The following ZDHHC13 variants were observed in gnomAD, a reference collection of about 807,000 sequenced individuals.
ZDHHC13 encodes the protein zDHHC palmitoyltransferase 13.
A neutral mutation model predicts 86.0 loss-of-function variants in ZDHHC13; 85 were observed. The observed-to-expected ratio is 0.99, with a 90% CI of 0.83 to 1.18. The LOEUF is 1.18. Among genes scored for constraint, ZDHHC13 ranks in the 50% most tolerant of loss-of-function variants. ZDHHC13 has a pLI of 0.00. For synonymous variants in ZDHHC13, 263 were observed against 246.4 expected, an observed-to-expected ratio of 1.07 and a Z score of -0.63; for missense variants, 711 against 730.2, an observed-to-expected ratio of 0.97 and a Z score of 0.30.
At chr11:19,165,192 T>C in intron 13 of ZDHHC13, 47 bp downstream of exon 13, 1 of 1,554,874 alleles carries the variant, frequency 6.4e-7, no homozygotes, top group Non-Finnish European at 8.7e-7. Context: ...TAAGCATATG[T>C]TTAGTTATGA....
At chr11:19,160,938 T>A (rs988701722) in intron 10 of ZDHHC13, among the ~76,000 whole-genome samples, 8 of 152,010 alleles carry the variant, frequency 5.3e-5, no homozygotes, top group African/African-American at 4.8e-5. Context: ...AATCTTAAGA[T>A]GTTGGAATCA....
At chr11:19,138,342 A>T (rs1204419233) in intron 1 of ZDHHC13, among the ~76,000 whole-genome samples, 1 of 150,908 alleles carries the variant, frequency 6.6e-6, no homozygotes, top group Non-Finnish European at 1.5e-5. Context: ...CAACACATAC[A>T]CTCTCCCAAG....
intron 1 of ZDHHC13, among the ~76,000 whole-genome samples, chr11:19,130,012 C>T (rs1848958717): frequency 6.6e-6 from 1 of 151,952 alleles, no homozygotes; most frequent in Non-Finnish European, 1.5e-5. Context: ...GGTGTGAACC[C>T]AGGAGGCAGA....
intron 1 of ZDHHC13, among the ~76,000 whole-genome samples, chr11:19,140,887 A>G (rs1322678303): frequency 8.2e-6 from 1 of 122,430 alleles, no homozygotes; most frequent in Non-Finnish European, 1.6e-5. Flanking sequence ...GGACACAGGA[A>G]GGGGAACATC....
chr11:19,125,393 C>T (rs1334239793), intron 1 of ZDHHC13, among the ~76,000 whole-genome samples: 4 of 152,232 alleles, frequency 2.6e-5, no homozygotes, highest in Admixed American at 6.5e-5. Context: ...CTTCATTAGC[C>T]GTTAAGGATA....
intron 1 of ZDHHC13, among the ~76,000 whole-genome samples, chr11:19,139,207 T>G (rs1590069112): frequency 6.6e-6 from 1 of 151,986 alleles, no homozygotes; most frequent in Non-Finnish European, 1.5e-5. Flanking sequence ...ATAAGCAACT[T>G]CAGCAAAGTC....
At chr11:19,130,729 T>C (rs1354993804) in intron 1 of ZDHHC13, among the ~76,000 whole-genome samples, 1 of 152,216 alleles carries the variant, frequency 6.6e-6, no homozygotes, top group East Asian at 1.9e-4. Flanking sequence ...CATACTAAGC[T>C]CTTTAAAACT....
At chr11:19,144,432 A>AGAGTGTGTGTGTGT (rs377410572) in intron 2 of ZDHHC13, among the ~76,000 whole-genome samples, 6 of 143,174 alleles carry the variant, frequency 4.2e-5, no homozygotes, top group African/African-American at 1.5e-4. Context: ...AGAGCTATGG[A>AGAGTGTGTGTGTGT]GTGTGTGTGT....
intron 1 of ZDHHC13, among the ~76,000 whole-genome samples, chr11:19,119,873 G>C (rs1051001415): frequency 5.3e-5 from 8 of 152,140 alleles, no homozygotes; most frequent in Non-Finnish European, 7.3e-5. Flanking sequence ...CTGTTAATGA[G>C]AACTTTAATG....
chr11:19,149,109 T>G, intron 4 of ZDHHC13, 78 bp from the exon 5 acceptor site: 2 of 1,268,126 alleles, frequency 1.6e-6, no homozygotes, highest in South Asian at 5.1e-5. Context: ...ATCCCTCATG[T>G]CTTAGGAATA....
intron 4 of ZDHHC13, among the ~76,000 whole-genome samples, chr11:19,148,189 C>CA (rs1565031266): frequency 6.6e-6 from 1 of 151,142 alleles, no homozygotes; most frequent in Non-Finnish European, 1.5e-5. Flanking sequence ...GTATATTGGC[C>CA]ATCTGAAACT....
intron 14 of ZDHHC13, 89 bp downstream of exon 14, chr11:19,166,474 G>A (rs1850072988): frequency 1.9e-6 from 2 of 1,065,806 alleles, no homozygotes; most frequent in Admixed American, 2.5e-5. Context: ...CATTCTGGCT[G>A]GGTGACTATA....
chr11:19,172,340 G>A (rs1306019472), intron 15 of ZDHHC13, among the ~76,000 whole-genome samples: 1 of 152,076 alleles, frequency 6.6e-6, no homozygotes, highest in Non-Finnish European at 1.5e-5. Flanking sequence ...CAAAGTGCTG[G>A]GATTACAGGC....
intron 1 of ZDHHC13, among the ~76,000 whole-genome samples, chr11:19,135,119 G>A (rs1278494121): frequency 6.6e-6 from 1 of 152,228 alleles, no homozygotes; most frequent in Non-Finnish European, 1.5e-5. Context: ...CAGCGCGAGC[G>A]ACGCAGAAGA....
At chr11:19,162,339 G>T (rs937957456) in intron 10 of ZDHHC13, among the ~76,000 whole-genome samples, 1 of 152,120 alleles carries the variant, frequency 6.6e-6, no homozygotes, top group Non-Finnish European at 1.5e-5. Flanking sequence ...TACTGGGAAG[G>T]CTGTGTGTCT....
chr11:19,154,836 T>G (rs1280363268), intron 8 of ZDHHC13, among the ~76,000 whole-genome samples: 1 of 152,144 alleles, frequency 6.6e-6, no homozygotes, highest in Non-Finnish European at 1.5e-5. Context: ...TTTTTCCCCT[T>G]AAGTGTTTGT....
At chr11:19,154,879 A>T (rs796952278) in intron 8 of ZDHHC13, among the ~76,000 whole-genome samples, 5 of 152,280 alleles carry the variant, frequency 3.3e-5, no homozygotes, top group African/African-American at 1.2e-4. Flanking sequence ...TTCTACCTGC[A>T]CACAGTCTTT....
At chr11:19,124,757 G>A (rs956123939) in intron 1 of ZDHHC13, among the ~76,000 whole-genome samples, 1 of 148,216 alleles carries the variant, frequency 6.7e-6, no homozygotes, top group Non-Finnish European at 1.5e-5. Flanking sequence ...GATTCTGCGT[G>A]TGTGTGGGGG....
chr11:19,138,020 A>T (rs2133388084), intron 1 of ZDHHC13, among the ~76,000 whole-genome samples: 1 of 151,210 alleles, frequency 6.6e-6, no homozygotes, highest in African/African-American at 2.4e-5. Context: ...GCAAGAGCAA[A>T]CACATTCAAA....
Sources: gnomAD v4.1 joint callset for allele counts (sites outside exome capture counted in the v4.1 genomes callset) on GRCh38, gnomAD v4.1.1 for gene constraint, MANE v1.5 for transcripts, NCBI Gene and HGNC (gene_info 2026-07-23, HGNC 2026-07-21) for gene names.